Variants in ZNF804B observed in about 807,000 individuals in gnomAD.
The protein encoded by ZNF804B is zinc finger protein 804B.
In ZNF804B, 80 loss-of-function variants were observed where a neutral mutation model predicts 101.4. The ratio of observed to expected loss-of-function variants is 0.79; its 90% confidence interval spans 0.66 to 0.95. ZNF804B has a LOEUF of 0.95. Ranked by LOEUF, ZNF804B falls within the 40% of genes least tolerant of loss-of-function variation. The pLI is 0.00. For missense variants in ZNF804B, 1,673 were observed against 1,561.9 expected, an observed-to-expected ratio of 1.07 and a Z score of -1.20; for synonymous variants, 622 against 558.8, an observed-to-expected ratio of 1.11 and a Z score of -1.59.
At chr7:88,824,241 C>T (rs1791024406) in intron 1 of ZNF804B, among the ~76,000 whole-genome samples, 1 of 152,078 alleles carries the variant, frequency 6.6e-6, no homozygotes. Flanking sequence ...ATCCCATAAT[C>T]CCACATGTTG....
At chr7:89,260,181 T>C (rs1789689965) in intron 2 of ZNF804B, among the ~76,000 whole-genome samples, 1 of 152,170 alleles carries the variant, frequency 6.6e-6, no homozygotes, top group South Asian at 2.1e-4. Flanking sequence ...AGCTGGTGCT[T>C]ATTTTTTTCC....
chr7:89,167,080 CT>C (rs916573034), intron 1 of ZNF804B, among the ~76,000 whole-genome samples: 75 of 151,778 alleles, frequency 4.9e-4, no homozygotes, highest in African/African-American at 1.7e-3. Context: ...TATGACATAC[CT>C]TTTTCCTTTT....
At chr7:89,181,386 A>G (rs554494311) in intron 1 of ZNF804B, among the ~76,000 whole-genome samples, 1 of 152,142 alleles carries the variant, frequency 6.6e-6, no homozygotes, top group Non-Finnish European at 1.5e-5. Context: ...GGGATGGACA[A>G]TTCCTCTCTG....
At chr7:88,920,784 A>G (rs1036705050) in intron 1 of ZNF804B, among the ~76,000 whole-genome samples, 13 of 152,142 alleles carry the variant, frequency 8.5e-5, no homozygotes, top group African/African-American at 3.1e-4. Context: ...TCATCCATGC[A>G]TATATTTACT....
intron 1 of ZNF804B, among the ~76,000 whole-genome samples, chr7:88,805,920 C>T (rs992924415): frequency 1.2e-4 from 18 of 151,374 alleles, no homozygotes; most frequent in African/African-American, 4.4e-4. Flanking sequence ...CTGTTCTGGG[C>T]TCTGTGTGCC....
chr7:89,131,767 AAACTTGTTTTTACCTGTCAT>A (rs1215165699), intron 1 of ZNF804B, among the ~76,000 whole-genome samples: 1 of 152,010 alleles, frequency 6.6e-6, no homozygotes, highest in African/African-American at 2.4e-5. Context: ...AGACATTAGA[AAACTTGTTTTTACCTGTCAT>A]AACTCCTCAT....
At chr7:89,242,103 C>G (rs1342893922) in intron 2 of ZNF804B, among the ~76,000 whole-genome samples, 1 of 151,812 alleles carries the variant, frequency 6.6e-6, no homozygotes, top group African/African-American at 2.4e-5. Context: ...TGCATAATCT[C>G]CTGAACTGTT....
intron 1 of ZNF804B, among the ~76,000 whole-genome samples, chr7:89,072,358 C>T (rs1038018470): frequency 6.6e-6 from 1 of 152,130 alleles, no homozygotes; most frequent in African/African-American, 2.4e-5. Flanking sequence ...GCCTTATTTT[C>T]CTCTTTTGGT....
At chr7:89,201,815 G>A (rs1236965267) in intron 1 of ZNF804B, among the ~76,000 whole-genome samples, 1 of 151,908 alleles carries the variant, frequency 6.6e-6, no homozygotes, top group East Asian at 1.9e-4. Context: ...ATCTCATCAA[G>A]TGTCATTCAT....
intron 1 of ZNF804B, among the ~76,000 whole-genome samples, chr7:89,174,687 T>C (rs1791292546): frequency 6.6e-6 from 1 of 152,078 alleles, no homozygotes; most frequent in South Asian, 2.1e-4. Context: ...CTCTCCATAG[T>C]AGCTGTACTA....
intron 1 of ZNF804B, among the ~76,000 whole-genome samples, chr7:89,110,976 C>G (rs1298749117): frequency 2.0e-5 from 3 of 152,070 alleles, no homozygotes; most frequent in Non-Finnish European, 2.9e-5. Flanking sequence ...TAGTGGGAAT[C>G]ATATAATATA....
rs548195884 is a variant in ZNF804B, at chr7:88,841,599, C to T, written c.108+81515C>T. Among the ~76,000 whole-genome samples the T allele has an allele frequency of 2.4e-4, 36 of 152,192 alleles. 1 individual carries two copies. The South Asian group carries it at 6.0e-3, about 25-fold the overall frequency. ...CTGATTTCAGTTTGTGTCCTTTCTC[C>T]GTAATAAACAGTAACCATAAGTACA... is the stretch of plus-strand genomic sequence containing the variant. On this transcript the variant is annotated intron_variant, in intron 1 of 3. Transcript: ENST00000333190.
intron 1 of ZNF804B, among the ~76,000 whole-genome samples, chr7:89,091,970 C>A (rs60306587): frequency 6.6e-6 from 1 of 152,084 alleles, no homozygotes; most frequent in African/African-American, 2.4e-5. Flanking sequence ...TTATTTACAT[C>A]TGTTAATAAA....
At chr7:89,155,934 C>T (rs1303990663) in intron 1 of ZNF804B, among the ~76,000 whole-genome samples, 1 of 145,278 alleles carries the variant, frequency 6.9e-6, no homozygotes. Context: ...CTTGCTTTCC[C>T]TTTCTCTCCC....
At chr7:88,931,238 A>G (rs1412928113) in intron 1 of ZNF804B, among the ~76,000 whole-genome samples, 1 of 151,960 alleles carries the variant, frequency 6.6e-6, no homozygotes, top group Non-Finnish European at 1.5e-5. Context: ...TTAAGAACAA[A>G]TACCAAAGAA....
At chr7:88,961,958 T>A (rs932894607) in intron 1 of ZNF804B, among the ~76,000 whole-genome samples, 1 of 151,308 alleles carries the variant, frequency 6.6e-6, no homozygotes, top group Admixed American at 6.6e-5. Flanking sequence ...GAGGCTCCTT[T>A]TACATTTTAC....
At chr7:89,125,096 A>G (rs1189933102) in intron 1 of ZNF804B, among the ~76,000 whole-genome samples, 3 of 151,598 alleles carry the variant, frequency 2.0e-5, no homozygotes, top group African/African-American at 4.8e-5. Context: ...GACAGATGTC[A>G]AGGAAACTTC....
intron 1 of ZNF804B, among the ~76,000 whole-genome samples, chr7:88,782,081 A>G (rs935008775): frequency 6.7e-6 from 1 of 149,986 alleles, no homozygotes; most frequent in Admixed American, 6.7e-5. Context: ...AGTAGTGACT[A>G]TCCCAGCTTT....
chr7:89,260,950 A>C (rs1243400825), intron 2 of ZNF804B, among the ~76,000 whole-genome samples: 1 of 151,500 alleles, frequency 6.6e-6, no homozygotes, highest in Non-Finnish European at 1.5e-5. Context: ...TGGCATTTGC[A>C]CTAAGCACAA....
Sources: allele counts gnomAD v4.1 joint callset (sites outside exome capture counted in the v4.1 genomes callset), GRCh38; gene constraint gnomAD v4.1.1; transcripts MANE v1.5; gene names NCBI Gene and HGNC (gene_info 2026-07-23, HGNC 2026-07-21).